CDH1: variants seen among roughly 807,000 people sequenced by gnomAD.
The protein encoded by CDH1 is cadherin-1.
A neutral mutation model predicts 84.5 loss-of-function variants in CDH1; 35 were observed. That is an observed-to-expected ratio of 0.41 (90% CI 0.32 to 0.55). The LOEUF (loss-of-function observed/expected upper bound fraction) is 0.55. Among genes scored for constraint, CDH1 ranks in the 20% least tolerant of loss-of-function variants. CDH1 has a pLI of 0.19. For synonymous variants in CDH1, 417 were observed against 439.0 expected, an observed-to-expected ratio of 0.95 and a Z score of 0.63; for missense variants, 994 against 1,126.6, an observed-to-expected ratio of 0.88 and a Z score of 1.68.
chr16:68,804,940 C>T (rs1960617330), intron 3 of CDH1, among the ~76,000 whole-genome samples: 1 of 148,232 alleles, frequency 6.7e-6, no homozygotes, highest in Admixed American at 6.8e-5. Context: ...AAGCAATCCT[C>T]CTGCCTCAAT....
chr16:68,782,567 A>C (rs1248869226), intron 2 of CDH1, among the ~76,000 whole-genome samples: 1 of 152,204 alleles, frequency 6.6e-6, no homozygotes, highest in African/African-American at 2.4e-5. Context: ...TCCAGGCCTA[A>C]GCGCTGACCG....
intron 15 of CDH1, among the ~76,000 whole-genome samples, chr16:68,832,579 G>A (rs1961513649): frequency 1.3e-5 from 2 of 152,110 alleles, no homozygotes; most frequent in Admixed American, 6.5e-5. Context: ...CAGCACTTTG[G>A]GAGGCCGAGG....
At chr16:68,761,168 T>C (rs986711458) in intron 2 of CDH1, among the ~76,000 whole-genome samples, 1 of 152,128 alleles carries the variant, frequency 6.6e-6, no homozygotes, top group Admixed American at 6.5e-5. Context: ...GTGTGGCTGG[T>C]TGGGTGAGGC....
intron 2 of CDH1, among the ~76,000 whole-genome samples, chr16:68,750,051 A>G (rs1435604826): frequency 1.3e-5 from 2 of 151,012 alleles, no homozygotes; most frequent in Admixed American, 6.6e-5. Flanking sequence ...GGCTCAAGCA[A>G]TCCTCCCATC....
At chr16:68,800,396 T>G (rs949901228) in intron 2 of CDH1, among the ~76,000 whole-genome samples, 1 of 152,184 alleles carries the variant, frequency 6.6e-6, no homozygotes, top group African/African-American at 2.4e-5. Flanking sequence ...AAACGTGGTC[T>G]TATTTTTCTC....
At chr16:68,794,353 C>G (rs529690438) in intron 2 of CDH1, among the ~76,000 whole-genome samples, 1 of 152,014 alleles carries the variant, frequency 6.6e-6, no homozygotes, top group Non-Finnish European at 1.5e-5. Flanking sequence ...TCCATTAGCT[C>G]TTAGTAGCAA....
chr16:68,800,602 C>T (rs533267162), intron 2 of CDH1, among the ~76,000 whole-genome samples: 3 of 152,238 alleles, frequency 2.0e-5, no homozygotes, highest in South Asian at 2.1e-4. Flanking sequence ...GAAATTCCAT[C>T]GGACAATTAT....
At chr16:68,785,674 G>T (rs1211190850) in intron 2 of CDH1, among the ~76,000 whole-genome samples, 1 of 151,572 alleles carries the variant, frequency 6.6e-6, no homozygotes, top group Admixed American at 6.6e-5. Context: ...GCACTGCTTT[G>T]CACTTGCTTT....
chr16:68,771,862 C>T (rs563903721), intron 2 of CDH1, among the ~76,000 whole-genome samples: 2 of 152,086 alleles, frequency 1.3e-5, no homozygotes, highest in African/African-American at 4.8e-5. Flanking sequence ...ATTACAGGCG[C>T]GAGCCACCGT....
chr16:68,780,810 G>T (rs948538359), intron 2 of CDH1, among the ~76,000 whole-genome samples: 3 of 152,158 alleles, frequency 2.0e-5, no homozygotes, highest in Non-Finnish European at 4.4e-5. Context: ...GTGACATGAG[G>T]GTAGTTGGTG....
At chr16:68,789,743 G>A (rs997627208) in intron 2 of CDH1, among the ~76,000 whole-genome samples, 1 of 152,262 alleles carries the variant, frequency 6.6e-6, no homozygotes, top group African/African-American at 2.4e-5. Flanking sequence ...TGAGGCAGGG[G>A]CCCTGGCTGA....
In CDH1 at chr16:68,834,900, G is replaced by A; in HGVS notation, c.*1401G>A. On this transcript the variant is annotated 3_prime_UTR_variant, in exon 16 of 16. Transcript: ENST00000261769. The stretch of plus-strand genomic sequence containing the variant: ...GCTTGTCATTGAGCCTGGCAATTTA[G>A]CAAACTGATGCTGAGGATGATTGAG... The A allele has an allele frequency of 4.3e-6, 1 of 232,568 alleles. No homozygotes were observed. Among genetic ancestry groups the A allele is most frequent in the African/African-American group, 2.2e-5 (1 of 45,382 alleles). The allele number at this position is 232,568 out of a possible 1,614,324, so 14.4% of individuals were successfully genotyped here. A position where few individuals can be genotyped will look rare whatever the true frequency, so the allele number is the denominator to read the frequency against.
At chr16:68,823,870 T>C (rs1309901047) in intron 13 of CDH1, among the ~76,000 whole-genome samples, 1 of 152,072 alleles carries the variant, frequency 6.6e-6, no homozygotes, top group Non-Finnish European at 1.5e-5. Flanking sequence ...TTCTACCTTG[T>C]CTCTTTTCAT....
At chr16:68,745,566 A>C (rs8045946) in intron 2 of CDH1, among the ~76,000 whole-genome samples, 1 of 18,806 alleles carries the variant, frequency 5.3e-5, no homozygotes, top group Admixed American at 5.9e-4. Context: ...ATATATATGT[A>C]TATATATATG....
intron 4 of CDH1, 59 bp from the exon 5 acceptor site, chr16:68,808,633 GA>G: frequency 6.2e-7 from 1 of 1,613,378 alleles, no homozygotes; most frequent in East Asian, 2.2e-5. Flanking sequence ...GAGAGAAAGG[GA>G]AAAGACCCAG....
At chr16:68,744,623 G>A (rs1279968221) in intron 2 of CDH1, among the ~76,000 whole-genome samples, 4 of 151,944 alleles carry the variant, frequency 2.6e-5, no homozygotes, top group African/African-American at 7.3e-5. Flanking sequence ...CCAAGATTTG[G>A]GTGGCATCTT....
intron 15 of CDH1, among the ~76,000 whole-genome samples, chr16:68,831,292 T>C (rs1961478943): frequency 6.7e-6 from 1 of 150,172 alleles, no homozygotes; most frequent in Non-Finnish European, 1.5e-5. Context: ...GGTTTCACCA[T>C]GTTAACCAGA....
At chr16:68,738,717 CA>C (rs1328649314) in intron 2 of CDH1, among the ~76,000 whole-genome samples, 1 of 151,950 alleles carries the variant, frequency 6.6e-6, no homozygotes, top group African/African-American at 2.4e-5. Flanking sequence ...TTTCAGACTG[CA>C]AAAACCTGGT....
intron 3 of CDH1, among the ~76,000 whole-genome samples, chr16:68,805,749 C>A (rs1960638187): frequency 6.6e-6 from 1 of 151,952 alleles, no homozygotes; most frequent in African/African-American, 2.4e-5. Flanking sequence ...TGTGCACCAC[C>A]ACACCCAGCT....
Sources: gnomAD v4.1 joint callset for allele counts (sites outside exome capture counted in the v4.1 genomes callset) on GRCh38, gnomAD v4.1.1 for gene constraint, MANE v1.5 for transcripts, NCBI Gene and HGNC (gene_info 2026-07-23, HGNC 2026-07-21) for gene names.